The following EPB41 variants were observed in gnomAD, a reference collection of about 807,000 sequenced individuals.
EPB41 encodes the protein protein 4.1.
EPB41 carries 65 observed loss-of-function variants against 108.0 expected under a neutral mutation model. The ratio of observed to expected loss-of-function variants is 0.60; its 90% CI spans 0.49 to 0.74. The LOEUF is 0.74. Among genes scored for constraint, EPB41 ranks in the 30% least tolerant of loss-of-function variants. EPB41 has a pLI of 0.00. For missense variants in EPB41, 875 were observed against 1,037.0 expected (o/e 0.84, Z 2.15); for synonymous variants, 336 against 358.9 (o/e 0.94, Z 0.72).
Position 29,018,019 on chromosome 1 carries a change from G to C in EPB41, c.906-205G>C, listed in dbSNP as rs555740825. Among the ~76,000 whole-genome samples, 14 of 144,694 alleles carry C rather than the reference G, an allele frequency of 9.7e-5. No individual in the cohort carries two copies. The South Asian group carries it at 2.7e-3, about 28-fold the overall frequency. 94.9% of individuals were successfully genotyped at this position (144,694 alleles called of 152,430 possible). A position where few individuals can be genotyped will look rare whatever the true frequency, so the allele number is the denominator to read the frequency against. On this transcript the variant is annotated intron_variant, in intron 6 of 20. Coordinates refer to ENST00000343067, the MANE Select transcript of EPB41 (RefSeq NM_001376013.1). This position sits in a 1 kb window ranked among gnomAD's most constrained non-coding sequence, Gnocchi z 4.4. ...TATGTAAAAATTTCAAACACACAGA[G>C]AGAAATAATAGCGCAATGAACTACC...
At chr1:29,047,852 C>T (rs1017436934) in intron 11 of EPB41, among the ~76,000 whole-genome samples, 6 of 148,036 alleles carry the variant, frequency 4.1e-5, no homozygotes, top group Admixed American at 2.0e-4. Context: ...GGCGTGATCT[C>T]GGCTCACTGC....
At chr1:29,007,735 T>C (rs1159503373) in intron 4 of EPB41, among the ~76,000 whole-genome samples, 5 of 152,200 alleles carry the variant, frequency 3.3e-5, no homozygotes, top group African/African-American at 1.2e-4. Flanking sequence ...TGTCTTTCTC[T>C]CACCACTATA....
chr1:29,097,972 C>A (rs1362171383), intron 17 of EPB41, 37 bp downstream of exon 17: 1 of 1,613,720 alleles, frequency 6.2e-7, no homozygotes, highest in Non-Finnish European at 8.5e-7. Flanking sequence ...CCAAAGGCTG[C>A]AAACAAAATT....
At chr1:28,939,584 C>T (rs1028085505) in intron 1 of EPB41, among the ~76,000 whole-genome samples, 4 of 152,170 alleles carry the variant, frequency 2.6e-5, no homozygotes, top group African/African-American at 9.6e-5. Context: ...GCTGGGATTA[C>T]AGGCACTTGA....
At chr1:28,929,521 C>G (rs1184594858) in intron 1 of EPB41, among the ~76,000 whole-genome samples, 5 of 151,348 alleles carry the variant, frequency 3.3e-5, no homozygotes, top group African/African-American at 1.2e-4. Flanking sequence ...TGAGCCACTG[C>G]GCCCGGCCAA....
At chr1:29,081,388 T>C (rs1446975106) in intron 16 of EPB41, among the ~76,000 whole-genome samples, 4 of 152,062 alleles carry the variant, frequency 2.6e-5, no homozygotes, top group African/African-American at 9.7e-5. Flanking sequence ...TGAAGAATGG[T>C]GTGGGTGTGG....
chr1:28,907,057 C>G (rs1313714377), intron 1 of EPB41, among the ~76,000 whole-genome samples: 1 of 150,860 alleles, frequency 6.6e-6, no homozygotes, highest in Non-Finnish European at 1.5e-5. Context: ...AGGCGTGAGC[C>G]ACCATGCCTG....
chr1:29,000,422 A>G (rs1242960991), intron 4 of EPB41, among the ~76,000 whole-genome samples: 1 of 152,194 alleles, frequency 6.6e-6, no homozygotes, highest in Admixed American at 6.5e-5. Flanking sequence ...TAATGAGCAA[A>G]TGTTAAATTG....
chr1:28,977,394 CTTTT>C (rs58214592), intron 1 of EPB41, among the ~76,000 whole-genome samples: 9 of 135,828 alleles, frequency 6.6e-5, no homozygotes, highest in African/African-American at 1.8e-4. Context: ...GTATGTTTTT[CTTTT>C]TTTTTTTTTT....
chr1:29,109,198 C>CA (rs957578381), intron 17 of EPB41, 138 bp from the exon 18 acceptor site: 73,009 of 532,188 alleles, frequency 0.14, 79 homozygotes, highest in East Asian at 0.16. Context: ...AACTCCGTCT[C>CA]AAAAAAAAAA....
At chr1:29,108,152 T>C (rs1403011302) in intron 17 of EPB41, among the ~76,000 whole-genome samples, 1 of 150,236 alleles carries the variant, frequency 6.7e-6, no homozygotes, top group African/African-American at 2.4e-5. Flanking sequence ...TTATTTCTTT[T>C]TTTTTTTTTT....
At chr1:28,944,806 A>G (rs2148850401) in intron 1 of EPB41, among the ~76,000 whole-genome samples, 1 of 151,290 alleles carries the variant, frequency 6.6e-6, no homozygotes, top group Non-Finnish European at 1.5e-5. Context: ...AAGTGCTGGG[A>G]TTACAGGTGT....
chr1:28,997,635 G>T (rs1463203672), intron 4 of EPB41, among the ~76,000 whole-genome samples: 1 of 152,004 alleles, frequency 6.6e-6, no homozygotes, highest in Non-Finnish European at 1.5e-5. Context: ...TATGCAATTG[G>T]TATTGTATCT....
intron 1 of EPB41, among the ~76,000 whole-genome samples, chr1:28,957,844 G>A (rs1571369171): frequency 6.6e-6 from 1 of 151,960 alleles, no homozygotes; most frequent in East Asian, 1.9e-4. Flanking sequence ...TCCTTATACC[G>A]TCTTCATACT....
chr1:29,038,048 T>A (rs986543006), intron 10 of EPB41, among the ~76,000 whole-genome samples: 1 of 152,212 alleles, frequency 6.6e-6, no homozygotes, highest in African/African-American at 2.4e-5. Context: ...ATAAATAAAC[T>A]TGATTCTTTA....
intron 12 of EPB41, 174 bp downstream of exon 12, chr1:29,053,486 T>A: frequency 1.3e-6 from 1 of 756,020 alleles, no homozygotes; most frequent in Non-Finnish European, 2.3e-6. Context: ...TTTCGTAGAG[T>A]TATGTCAGTA....
chr1:28,924,686 C>G (rs553918601), intron 1 of EPB41, among the ~76,000 whole-genome samples: 4 of 152,354 alleles, frequency 2.6e-5, no homozygotes, highest in African/African-American at 9.6e-5. Flanking sequence ...ACTAAAACAT[C>G]TACCACTTAT....
At chr1:29,068,839 A>G (rs901437679) in intron 16 of EPB41, 14 of 1,193,002 alleles carry the variant, frequency 1.2e-5, no homozygotes, top group Non-Finnish European at 1.5e-5. Context: ...TTGTCATGGC[A>G]CTAAGCAGAT....
chr1:28,912,644 C>A (rs903575290), upstream of EPB41, among the ~76,000 whole-genome samples: 3 of 151,806 alleles, frequency 2.0e-5, no homozygotes, highest in African/African-American at 7.3e-5. Context: ...GAGATGGAGT[C>A]TTGCTCTTGT....
Sources: gnomAD v4.1 joint callset for allele counts (sites outside exome capture counted in the v4.1 genomes callset) on GRCh38, gnomAD v4.1.1 for gene constraint, Gnocchi (gnomAD v3.1) non-coding constraint, MANE v1.5 for transcripts, NCBI Gene and HGNC (gene_info 2026-07-23, HGNC 2026-07-21) for gene names.